Variants in SLC22A23 observed in about 807,000 individuals in gnomAD.
SLC22A23 encodes solute carrier family 22 member 23, also known as ion transporter protein.
Under a neutral mutation model 61.0 loss-of-function variants are expected in SLC22A23, and 26 were observed. That is an observed-to-expected ratio of 0.43 (90% CI 0.31 to 0.59). The LOEUF (loss-of-function observed/expected upper bound fraction) is 0.59, where lower values mean the gene tolerates loss of function less well. SLC22A23 is among the 20% of genes least tolerant of loss of function. SLC22A23 has a pLI of 0.11. For synonymous variants in SLC22A23, 430 were observed against 413.9 expected (o/e 1.04, Z -0.47); for missense variants, 796 against 934.7 (o/e 0.85, Z 1.94).
Position 3,324,239 on chromosome 6 carries a change from G to T in SLC22A23, c.914-237C>A. On this transcript the variant is annotated intron_variant, in intron 3 of 9. Transcript: ENST00000406686. This position sits in a 1 kb window ranked among gnomAD's most constrained non-coding sequence, Gnocchi z 4.3. Reference sequence around the variant, plus strand: ...CCACAGGGCTAGTCGATGACGAAGGGATGCTATAATTCAGAGGAGCTTAGC... The same window carrying T: ...CCACAGGGCTAGTCGATGACGAAGGTATGCTATAATTCAGAGGAGCTTAGC... 1.8e-6 allele frequency: 1 copy of T among 549,756 alleles called. No homozygotes were observed. The highest frequency in any genetic ancestry group is 3.2e-6 in the Non-Finnish European group (1 of 308,034). The allele number at this position is 549,756 out of a possible 1,614,324, so 34.1% of individuals were successfully genotyped here.
At chr6:3,452,794 A>G (rs1772219512) in intron 1 of SLC22A23, among the ~76,000 whole-genome samples, 1 of 152,192 alleles carries the variant, frequency 6.6e-6, no homozygotes. Context: ...TTCTGGTACC[A>G]ATAACAAATA....
At chr6:3,377,696 C>T (rs1766668841) in intron 3 of SLC22A23, 1 of 152,296 alleles carries the variant, frequency 6.6e-6, no homozygotes, top group Non-Finnish European at 1.5e-5. Flanking sequence ...TAAAGAAAGA[C>T]AATGAGCAGT....
chr6:3,311,328 C>A (rs1375554982), intron 4 of SLC22A23, among the ~76,000 whole-genome samples: 3 of 152,106 alleles, frequency 2.0e-5, no homozygotes, highest in African/African-American at 7.2e-5. Context: ...TGCTTCTGAT[C>A]TAAAGGGGTG....
intron 5 of SLC22A23, chr6:3,290,276 G>A (rs779271517): frequency 3.1e-5 from 9 of 289,990 alleles, no homozygotes; most frequent in South Asian, 6.5e-5. Context: ...GTTCTTTTCC[G>A]TACACTCTAC....
intron 3 of SLC22A23, among the ~76,000 whole-genome samples, chr6:3,366,965 G>A (rs1306525722): frequency 6.6e-6 from 1 of 152,120 alleles, no homozygotes; most frequent in African/African-American, 2.4e-5. Context: ...AGGACAGGGG[G>A]GATTAACACC....
At chr6:3,289,944 G>T in intron 5 of SLC22A23, 78 bp from the exon 6 acceptor site, 1 of 1,103,134 alleles carries the variant, frequency 9.1e-7, no homozygotes, top group Non-Finnish European at 1.4e-6. Context: ...CACAGCCCTG[G>T]TTCCCCAGTT....
intron 5 of SLC22A23, among the ~76,000 whole-genome samples, chr6:3,292,646 C>T (rs1310634744): frequency 2.0e-5 from 3 of 152,230 alleles, no homozygotes; most frequent in Non-Finnish European, 4.4e-5. Context: ...TTTCACGGAT[C>T]CCCGTGTGGT....
rs1763347926 is a variant in SLC22A23, at chr6:3,327,443, C to A, written c.914-3441G>T. On this transcript the variant is annotated intron_variant, in intron 3 of 9. Coordinates refer to ENST00000406686, the MANE Select transcript of SLC22A23 (RefSeq NM_015482.2). This position sits in a 1 kb window ranked among gnomAD's most constrained non-coding sequence, Gnocchi z 4.1. ...GATTATGTAAAACATTTAAGGGCCA[C>A]AAGAAAGTATCTTGGGTGATGCATC... Among the ~76,000 whole-genome samples, 1 of 152,358 alleles carries A rather than the reference C, an allele frequency of 6.6e-6. No homozygotes were observed. The highest frequency in any genetic ancestry group is 1.5e-5 in the Non-Finnish European group (1 of 68,028).
At chr6:3,371,073 C>A (rs568924698) in intron 3 of SLC22A23, among the ~76,000 whole-genome samples, 16 of 152,324 alleles carry the variant, frequency 1.1e-4, no homozygotes, top group African/African-American at 3.6e-4. Context: ...TGGTAACTTT[C>A]ATGACTTGAG....
At chr6:3,294,742 A>G (rs1355581062) in intron 5 of SLC22A23, among the ~76,000 whole-genome samples, 1 of 152,242 alleles carries the variant, frequency 6.6e-6, no homozygotes, top group African/African-American at 2.4e-5. Flanking sequence ...TGACATTGAG[A>G]GAATGATGCT....
intron 9 of SLC22A23, among the ~76,000 whole-genome samples, chr6:3,274,239 A>G (rs1217165403): frequency 6.6e-6 from 1 of 152,218 alleles, no homozygotes; most frequent in African/African-American, 2.4e-5. Flanking sequence ...TACTGGGACA[A>G]AGGTGTTCTG....
At chr6:3,339,441 A>C (rs1764033576) in intron 3 of SLC22A23, among the ~76,000 whole-genome samples, 1 of 152,158 alleles carries the variant, frequency 6.6e-6, no homozygotes, top group Non-Finnish European at 1.5e-5. Context: ...GAGGCATGTG[A>C]GCCAGAACAA....
chr6:3,347,687 T>C (rs771865346), intron 3 of SLC22A23, among the ~76,000 whole-genome samples: 7 of 152,158 alleles, frequency 4.6e-5, no homozygotes, highest in South Asian at 2.1e-4. Context: ...TTCTGATCTA[T>C]ACTTTTTAGC....
At chr6:3,293,871 C>T (rs1760839555) in intron 5 of SLC22A23, among the ~76,000 whole-genome samples, 1 of 152,180 alleles carries the variant, frequency 6.6e-6, no homozygotes, top group Non-Finnish European at 1.5e-5. Flanking sequence ...TAGTAGGGAG[C>T]CCCACATGGG....
In SLC22A23 at chr6:3,455,969, G is replaced by T; in HGVS notation, c.591C>A (p.Asn197Lys). ...SPPDKGDNAS[N>K]CDCRAWDYGI... ...CGTAGTCCCATGCGCGGCAGTCACA[G>T]TTGGAGGCGTTGTCCCCCTTGTCCG... Residue 197 changes from asparagine to lysine, a missense_variant, in exon 1 of 10, where the codon AAC becomes AAA. Coordinates refer to ENST00000406686, the MANE Select transcript of SLC22A23 (RefSeq NM_015482.2). The T allele has an allele frequency of 6.5e-7, 1 of 1,544,818 alleles. No homozygotes were observed. The highest frequency in any genetic ancestry group is 2.5e-5 in the East Asian group (1 of 40,786).
At chr6:3,362,434 AATAAAAATTAGCATG>A (rs1561925505) in intron 3 of SLC22A23, among the ~76,000 whole-genome samples, 33 of 125,382 alleles carry the variant, frequency 2.6e-4, no homozygotes, top group African/African-American at 1.1e-3. Flanking sequence ...AAAAATAAAA[AATAAAAATTAGCATG>A]CATTTTCATC....
At chr6:3,278,573 C>G (rs537739804) in intron 9 of SLC22A23, among the ~76,000 whole-genome samples, 19 of 152,308 alleles carry the variant, frequency 1.2e-4, no homozygotes, top group Admixed American at 3.9e-4. Flanking sequence ...GCTGTTTGTG[C>G]TTAATAAATA....
At chr6:3,441,176 G>C (rs911119986) in intron 1 of SLC22A23, among the ~76,000 whole-genome samples, 3 of 152,194 alleles carry the variant, frequency 2.0e-5, no homozygotes, top group Non-Finnish European at 4.4e-5. Context: ...CGTTCAGGTG[G>C]TTTTCAAGAG....
chr6:3,311,097 C>A (rs575881043), intron 4 of SLC22A23, among the ~76,000 whole-genome samples: 1 of 152,348 alleles, frequency 6.6e-6, no homozygotes, highest in African/African-American at 2.4e-5. Context: ...ATGAAACACA[C>A]ACAGTGTCTG....
Sources: allele counts gnomAD v4.1 joint callset (sites outside exome capture counted in the v4.1 genomes callset), GRCh38; gene constraint gnomAD v4.1.1; non-coding constraint Gnocchi (gnomAD v3.1); transcripts MANE v1.5; gene names NCBI Gene and HGNC (gene_info 2026-07-23, HGNC 2026-07-21).